The following SPECC1 variants were observed in gnomAD, a reference collection of about 807,000 sequenced individuals.
SPECC1 encodes the protein sperm antigen with calponin homology and coiled-coil domains 1.
Under a neutral mutation model 104.1 loss-of-function variants are expected in SPECC1, and 62 were observed. The observed-to-expected ratio is 0.60, with a 90% CI of 0.49 to 0.74. SPECC1 has a LOEUF of 0.74. SPECC1 is among the 30% of genes least tolerant of loss of function. The pLI is 0.00. For synonymous variants in SPECC1, 513 were observed against 501.6 expected, an observed-to-expected ratio of 1.02 and a Z score of -0.30; for missense variants, 1,306 against 1,310.5, an observed-to-expected ratio of 1.00 and a Z score of 0.05.
chr17:20,165,322 C>T (rs2033557766), intron 3 of SPECC1, among the ~76,000 whole-genome samples: 1 of 151,892 alleles, frequency 6.6e-6, no homozygotes, highest in African/African-American at 2.4e-5. Context: ...GTTTTCTGTT[C>T]CTGTGTTAGT....
intron 1 of SPECC1, among the ~76,000 whole-genome samples, chr17:20,090,286 T>A (rs1597676526): frequency 6.6e-6 from 1 of 152,142 alleles, no homozygotes; most frequent in African/African-American, 2.4e-5. Flanking sequence ...GGCTGTCAGG[T>A]TGGAGGGAGG....
chr17:20,034,709 G>A (rs1010239334), intron 1 of SPECC1, among the ~76,000 whole-genome samples: 10 of 150,492 alleles, frequency 6.6e-5, no homozygotes, highest in Admixed American at 2.0e-4. Flanking sequence ...GGGTTCAAGC[G>A]ATTCTCATGC....
chr17:20,280,264 GAC>G (rs1555532636), intron 12 of SPECC1, among the ~76,000 whole-genome samples: 1 of 152,144 alleles, frequency 6.6e-6, no homozygotes, highest in Non-Finnish European at 1.5e-5. Flanking sequence ...CCACGTGACC[GAC>G]ATTGTCTAAG....
At chr17:20,198,890 G>A (rs534448536) in intron 3 of SPECC1, among the ~76,000 whole-genome samples, 1 of 152,106 alleles carries the variant, frequency 6.6e-6, no homozygotes, top group East Asian at 1.9e-4. Context: ...CCTTAGAAAG[G>A]GTATTAACAG....
At chr17:20,122,393 G>T (rs62067558) in intron 3 of SPECC1, among the ~76,000 whole-genome samples, 36,217 of 152,106 alleles carry the variant, frequency 0.24, 5,529 homozygotes, top group Middle Eastern at 0.34. Context: ...GACCTGGGCT[G>T]GGCTGGCAGC....
chr17:20,142,335 T>A (rs777493992), intron 3 of SPECC1, among the ~76,000 whole-genome samples: 1 of 152,192 alleles, frequency 6.6e-6, no homozygotes, highest in African/African-American at 2.4e-5. Flanking sequence ...CCAAAATAAT[T>A]GAAAGCAGGA....
At chr17:20,281,756 A>C (rs1244536164) in intron 12 of SPECC1, among the ~76,000 whole-genome samples, 1 of 152,220 alleles carries the variant, frequency 6.6e-6, no homozygotes, top group African/African-American at 2.4e-5. Flanking sequence ...GCAAGCAAGG[A>C]GGAAGAGTGG....
rs190812151 is a variant in SPECC1, at chr17:20,041,859, T to C, written c.-22+32435T>C. On this transcript the variant is annotated intron_variant, in intron 1 of 14. Transcript: ENST00000395527. ...CCAGGATGGTCTCGATCTCCTGATCTTGTGATCCACCTGCCTCGGCCTCCC... is the reference window on the plus strand; with the variant it reads ...CCAGGATGGTCTCGATCTCCTGATCCTGTGATCCACCTGCCTCGGCCTCCC... 1.5e-3 allele frequency among the ~76,000 whole-genome samples: 230 copies of C among 151,420 alleles called. 2 individuals carry two copies. Among genetic ancestry groups the C allele is most frequent in the African/African-American group, 5.2e-3 (216 of 41,286 alleles).
At position 20,194,502 on chromosome 17, in the gene SPECC1, A is replaced by ATTATTATTTTTTTTTTTTT; in HGVS notation, c.284-9829_284-9828insATTATTTTTTTTTTTTTTT. Reference sequence around the variant, plus strand: ...TGTGTTCTGTTAGAAAAGAGAACGAATTTTTTTTTTTTTTTTTTTTTTTGA... The same window carrying ATTATTATTTTTTTTTTTTT: ...TGTGTTCTGTTAGAAAAGAGAACGAATTATTATTTTTTTTTTTTTTTTTTTTTTTTTTTTTTTTTTTTGA... On this transcript the variant is annotated intron_variant, in intron 3 of 14. Coordinates refer to ENST00000395527, the MANE Select transcript of SPECC1 (RefSeq NM_001243439.2). 1.3e-3 allele frequency among the ~76,000 whole-genome samples: 109 copies of ATTATTATTTTTTTTTTTTT among 86,536 alleles called. 8 individuals are homozygous for ATTATTATTTTTTTTTTTTT. The highest frequency in any genetic ancestry group is 5.2e-3 in the African/African-American group (97 of 18,738). The allele number at this position is 86,536 out of a possible 152,430, so 56.8% of individuals were successfully genotyped here. A position where few individuals can be genotyped will look rare whatever the true frequency, so the allele number is the denominator to read the frequency against.
intron 4 of SPECC1, among the ~76,000 whole-genome samples, chr17:20,215,819 A>G (rs539255525): frequency 3.9e-5 from 6 of 152,254 alleles, no homozygotes; most frequent in South Asian, 2.1e-4. Flanking sequence ...TCTTTAGTCT[A>G]CAGTCTCTAT....
At position 20,299,555 on chromosome 17, in the gene SPECC1, CAAAAAAAAAA is replaced by C. The variant is rs57493380; in HGVS notation, c.3057+2493_3057+2502del. Among the ~76,000 whole-genome samples, 24 of 40,370 alleles carry C rather than the reference CAAAAAAAAAA, an allele frequency of 5.9e-4. No individual in the cohort carries two copies. The East Asian group carries it at 6.6e-3, about 11-fold the overall frequency. The allele number at this position is 40,370 out of a possible 152,430, so 26.5% of individuals were successfully genotyped here. A position where few individuals can be genotyped will look rare whatever the true frequency, so the allele number is the denominator to read the frequency against. ...AGCCTGGGTGACAGAGACCCTGTCT[CAAAAAAAAAA>C]AAAAAAAAAAAAAAGAAAAGAAAAA... On this transcript the variant is annotated intron_variant, in intron 13 of 14. Coordinates refer to ENST00000395527, the MANE Select transcript of SPECC1 (RefSeq NM_001243439.2).
At chr17:20,093,726 G>GTTTTTGTTTTTT (rs2047509456) in intron 1 of SPECC1, among the ~76,000 whole-genome samples, 1 of 143,478 alleles carries the variant, frequency 7.0e-6, no homozygotes. Context: ...TTTTGTTTTT[G>GTTTTTGTTTTTT]TTTTTTGTTT....
chr17:20,172,701 G>A (rs2034180351), intron 3 of SPECC1, among the ~76,000 whole-genome samples: 1 of 152,186 alleles, frequency 6.6e-6, no homozygotes, highest in Admixed American at 6.5e-5. Context: ...GAAGAAACAT[G>A]GAAGTGTGCT....
At chr17:20,147,492 A>C (rs571669133) in intron 3 of SPECC1, among the ~76,000 whole-genome samples, 1 of 152,312 alleles carries the variant, frequency 6.6e-6, no homozygotes, top group South Asian at 2.1e-4. Context: ...TTTTTTAAAG[A>C]GTTCTTATCT....
intron 12 of SPECC1, among the ~76,000 whole-genome samples, chr17:20,293,943 T>C (rs1166520878): frequency 1.3e-5 from 2 of 152,106 alleles, no homozygotes; most frequent in African/African-American, 2.4e-5. Context: ...TACAGGAGTC[T>C]TCAGAAGCCA....
chr17:20,075,696 A>G (rs1016145424), intron 1 of SPECC1, among the ~76,000 whole-genome samples: 2 of 152,136 alleles, frequency 1.3e-5, no homozygotes, highest in Non-Finnish European at 2.9e-5. Flanking sequence ...CTCTAATCCC[A>G]GCATTTTGGG....
Position 20,152,721 on chromosome 17 carries a change from G to C in SPECC1, c.283+42159G>C, listed in dbSNP as rs149526072. On this transcript the variant is annotated intron_variant, in intron 3 of 14. Transcript: ENST00000395527. Reference sequence around the variant, plus strand: ...GGAGTCTTGCTCTGTTGCCAGGCTGGAGTACAATGGTGCGATCTCGGCTCA... The same window carrying C: ...GGAGTCTTGCTCTGTTGCCAGGCTGCAGTACAATGGTGCGATCTCGGCTCA... Among the ~76,000 whole-genome samples the C allele has an allele frequency of 2.9e-3, 447 of 152,270 alleles. 19 individuals are homozygous for C. The East Asian group carries it at 0.083, about 28-fold the overall frequency.
chr17:20,125,198 C>G (rs540717157), intron 3 of SPECC1, among the ~76,000 whole-genome samples: 2 of 100,078 alleles, frequency 2.0e-5, no homozygotes, highest in South Asian at 4.9e-4. Flanking sequence ...AAAACAAAAA[C>G]AAAACAAAAC....
At chr17:20,257,787 G>T (rs916785414) in intron 11 of SPECC1, among the ~76,000 whole-genome samples, 180 bp downstream of exon 11, 1 of 152,176 alleles carries the variant, frequency 6.6e-6, no homozygotes, top group African/African-American at 2.4e-5. Context: ...GTAGTAGTGC[G>T]CAAAATGGAA....
Sources: gnomAD v4.1 joint callset for allele counts (sites outside exome capture counted in the v4.1 genomes callset) on GRCh38, gnomAD v4.1.1 for gene constraint, MANE v1.5 for transcripts, NCBI Gene and HGNC (gene_info 2026-07-23, HGNC 2026-07-21) for gene names.